ACAD10: variants seen among roughly 807,000 people sequenced by gnomAD.
ACAD10 encodes ACAD-10.
ACAD10 carries 112 observed loss-of-function variants against 116.8 expected under a neutral mutation model. That is an observed-to-expected ratio of 0.96 (90% CI 0.82 to 1.12). The LOEUF (loss-of-function observed/expected upper bound fraction) is 1.12. Among genes scored for constraint, ACAD10 ranks in the 50% most tolerant of loss-of-function variants. The probability of loss-of-function intolerance (pLI) is 0.00; values close to 1 mark genes in which losing one functional copy is unlikely to be tolerated. For synonymous variants in ACAD10, 486 were observed against 510.6 expected, an observed-to-expected ratio of 0.95 and a Z score of 0.65; for missense variants, 1,259 against 1,350.2, an observed-to-expected ratio of 0.93 and a Z score of 1.06.
At chr12:111,751,422 G>T (rs969605742) in intron 18 of ACAD10, among the ~76,000 whole-genome samples, 16 of 152,140 alleles carry the variant, frequency 1.1e-4, no homozygotes, top group Non-Finnish European at 2.2e-4. Context: ...GGGCAATACG[G>T]CAAAACCTCA....
intron 3 of ACAD10, among the ~76,000 whole-genome samples, chr12:111,705,438 G>C (rs1417045672): frequency 6.6e-6 from 1 of 151,898 alleles, no homozygotes; most frequent in Non-Finnish European, 1.5e-5. Flanking sequence ...GCCCAGGCTG[G>C]TGTCAAAATC....
intron 7 of ACAD10, among the ~76,000 whole-genome samples, chr12:111,718,339 A>G (rs1005895389): frequency 2.2e-4 from 34 of 151,536 alleles, no homozygotes; most frequent in African/African-American, 8.0e-4. Context: ...GTGAGCCACT[A>G]TGCCCACCCT....
In ACAD10 at chr12:111,691,550, A is replaced by C. The variant is rs951271028; in HGVS notation, c.-13-1147A>C. On this transcript the variant is annotated intron_variant, in intron 1 of 20. Transcript: ENST00000313698. ...TAGATGTGTATGTCCAGATCATCCC[A>C]GGTTGAGATGAAAAAATGGGGAGCT... Among the ~76,000 whole-genome samples the C allele has an allele frequency of 3.3e-5, 5 of 151,848 alleles. No individual in the cohort carries two copies. The East Asian group carries it at 7.7e-4, about 23-fold the overall frequency.
At chr12:111,715,083 G>C (rs978720060) in intron 6 of ACAD10, among the ~76,000 whole-genome samples, 3 of 152,206 alleles carry the variant, frequency 2.0e-5, no homozygotes, top group Non-Finnish European at 4.4e-5. Flanking sequence ...TATTGATGGA[G>C]TTTCATGTTA....
Position 111,744,910 on chromosome 12 carries a change from C to A in ACAD10, c.1982C>A (p.Pro661Gln), listed in dbSNP as rs144351777. 2 of 1,614,190 alleles carry A rather than the reference C, an allele frequency of 1.2e-6. No homozygotes were observed. The highest frequency in any genetic ancestry group is 1.7e-6 in the Non-Finnish European group (2 of 1,180,034). Residue 661 changes from proline (P) to glutamine (Q), a missense_variant, in exon 13 of 21, where the codon CCA becomes CAA. Physicochemically the swap from Pro to Gln is moderately conservative, Grantham distance 76. Transcript: ENST00000313698. ...GLVISPESLS[P>Q]PVRELYHRLK... The stretch of plus-strand genomic sequence containing the variant: ...GTTATCTCTCCAGAGAGCCTCTCTC[C>A]ACCTGTCAGAGAGCTGTATCACCGG...
intron 3 of ACAD10, among the ~76,000 whole-genome samples, chr12:111,702,864 C>T (rs940077648): frequency 2.6e-5 from 4 of 152,118 alleles, no homozygotes; most frequent in Non-Finnish European, 4.4e-5. Context: ...GAGGCTGAGA[C>T]AGGAGAAGTG....
intron 16 of ACAD10, 107 bp downstream of exon 16, chr12:111,747,492 A>G (rs1889946170): frequency 1.3e-6 from 2 of 1,566,044 alleles, no homozygotes; most frequent in Non-Finnish European, 1.7e-6. Flanking sequence ...GTTGACACAA[A>G]GGAGATTCTG....
At chr12:111,736,644 T>C (rs2135981385) in intron 11 of ACAD10, among the ~76,000 whole-genome samples, 187 bp from the exon 12 acceptor site, 1 of 152,350 alleles carries the variant, frequency 6.6e-6, no homozygotes, top group South Asian at 2.1e-4. Flanking sequence ...TTGTGAATAA[T>C]GACTTCATGC....
intron 8 of ACAD10, 131 bp downstream of exon 8, chr12:111,721,870 C>G: frequency 3.3e-6 from 2 of 603,162 alleles, no homozygotes; most frequent in Non-Finnish European, 5.4e-6. Context: ...TTATCACAAC[C>G]TCTCCCAGAA....
In ACAD10 at chr12:111,748,438, C is replaced by A. The variant is rs267603311; in HGVS notation, c.2607C>A (p.Ile869=). 4.3e-6 allele frequency: 7 copies of A among 1,613,814 alleles called. No homozygotes were observed. Residue 869 remains isoleucine, a synonymous_variant, in exon 17 of 21, where the codon ATC becomes ATA. Transcript: ENST00000313698. ...VPMDTPGIKI[I]RPLTVYGLED... ...TGGATACCCCAGGGATAAAAATCATCCGGCCTCTGACGGTGTATGGACTGG... is the reference window on the plus strand; with the variant it reads ...TGGATACCCCAGGGATAAAAATCATACGGCCTCTGACGGTGTATGGACTGG...
rs1188382272 is a variant in ACAD10 at position 111,748,373 on chromosome 12, G to A, written c.2542G>A (p.Ala848Thr). ...GTTTATGGGAAAAACAGACCCACAT[G>A]CACCAAGACACCGGCAGCAGTCTGT... ...CVFMGKTDPHAPRHRQQSVLL... is the reference protein window; with the variant it reads ...CVFMGKTDPHTPRHRQQSVLL... The change falls in exon 17 of 21, where the codon GCA becomes ACA. Residue 848 changes from alanine to threonine, a missense_variant. By Grantham distance (58) the Ala-to-Thr change is moderately conservative. Transcript: ENST00000313698. The A allele has an allele frequency of 1.2e-6, 2 of 1,614,004 alleles. No individual in the cohort carries two copies. The highest frequency in any genetic ancestry group is 2.7e-5 in the African/African-American group (2 of 74,900).
chr12:111,709,106 G>C (rs527987005), intron 4 of ACAD10, among the ~76,000 whole-genome samples: 1 of 150,472 alleles, frequency 6.6e-6, no homozygotes, highest in African/African-American at 2.4e-5. Flanking sequence ...CTTTTCTTCT[G>C]CTCTGTTTAG....
intron 8 of ACAD10, among the ~76,000 whole-genome samples, chr12:111,725,288 A>G (rs1202815000): frequency 6.6e-6 from 1 of 152,090 alleles, no homozygotes; most frequent in Non-Finnish European, 1.5e-5. Context: ...CAGGTAGATC[A>G]CTTGAGCCCA....
intron 2 of ACAD10, among the ~76,000 whole-genome samples, chr12:111,693,305 G>A (rs925957094): frequency 2.6e-5 from 4 of 152,278 alleles, no homozygotes; most frequent in Admixed American, 1.3e-4. Context: ...TTTGGAGGCC[G>A]AGGTGAGAGG....
chr12:111,729,878 C>T lies in ACAD10; in HGVS notation c.1316C>T (p.Ala439Val). 1 of 1,614,158 alleles carries T rather than the reference C, an allele frequency of 6.2e-7. No individual in the cohort carries two copies. Among genetic ancestry groups the T allele is most frequent in the South Asian group, 1.1e-5 (1 of 91,082 alleles). Residue 439 changes from alanine (A) to valine (V), a missense_variant, in exon 10 of 21, where the codon GCC (alanine) becomes GTC (valine). Coordinates refer to ENST00000313698, the MANE Select transcript of ACAD10 (RefSeq NM_025247.6). ...YRASETSTIPAMERLIEWLPL... is the reference protein window; with the variant it reads ...YRASETSTIPVMERLIEWLPL... ...GCTTCCGAAACTAGCACCATCCCAG[C>T]CATGGAGAGGCTGATCGAATGGCTG...
intron 10 of ACAD10, 151 bp downstream of exon 10, chr12:111,730,107 G>C (rs763424702): frequency 4.3e-6 from 5 of 1,149,712 alleles, no homozygotes; most frequent in Middle Eastern, 3.0e-4. Flanking sequence ...GGGTTTCTCA[G>C]CTCTGGCACT....
At position 111,709,483 on chromosome 12, in the gene ACAD10, C is replaced by T. The variant is rs761247189; in HGVS notation, c.532-43C>T. On this transcript the variant is annotated intron_variant, in intron 4 of 20. Coordinates refer to ENST00000313698, the MANE Select transcript of ACAD10 (RefSeq NM_025247.6). ...TTTACCAGCATGCATGTGGGAGCTC[C>T]ACCTTTCGGGACATTCATCTCTCAT... 2.7e-6 allele frequency: 4 copies of T among 1,471,014 alleles called. No individual in the cohort carries two copies. The African/African-American group carries it at 4.3e-5, about 16-fold the overall frequency. The allele number at this position is 1,471,014 out of a possible 1,614,324, so 91.1% of individuals were successfully genotyped here.
At chr12:111,717,025 C>T (rs985874016) in intron 7 of ACAD10, among the ~76,000 whole-genome samples, 4 of 152,142 alleles carry the variant, frequency 2.6e-5, no homozygotes, top group African/African-American at 9.7e-5. Flanking sequence ...ATAAATGCTT[C>T]GAATGTCTGT....
chr12:111,724,665 G>A (rs1182861016), intron 8 of ACAD10, among the ~76,000 whole-genome samples: 2 of 151,938 alleles, frequency 1.3e-5, no homozygotes, highest in Non-Finnish European at 2.9e-5. Flanking sequence ...GTGGCGGCGC[G>A]TGCCTGCAAT....
Sources: allele counts gnomAD v4.1 joint callset (sites outside exome capture counted in the v4.1 genomes callset), GRCh38; gene constraint gnomAD v4.1.1; transcripts MANE v1.5; gene names NCBI Gene and HGNC (gene_info 2026-07-23, HGNC 2026-07-21).